HCN1: variants seen among roughly 807,000 people sequenced by gnomAD.
HCN1 encodes hyperpolarization activated cyclic nucleotide gated potassium channel 1.
A neutral mutation model predicts 78.9 loss-of-function variants in HCN1; 13 were observed. The observed-to-expected ratio is 0.16, with a 90% CI of 0.11 to 0.26. HCN1 has a LOEUF of 0.26. HCN1 is among the 10% of genes least tolerant of loss of function. The pLI, the probability that HCN1 is intolerant of heterozygous loss-of-function variation, is 1.00. For synonymous variants in HCN1, 552 were observed against 455.5 expected, an observed-to-expected ratio of 1.21 and a Z score of -2.70; for missense variants, 810 against 1,154.3, an observed-to-expected ratio of 0.70 and a Z score of 4.32.
chr5:45,435,279 T>C (rs1392181666), intron 3 of HCN1, among the ~76,000 whole-genome samples: 1 of 152,144 alleles, frequency 6.6e-6, no homozygotes, highest in Non-Finnish European at 1.5e-5. Context: ...GTTATCATGG[T>C]ATTTTATTCT....
intron 2 of HCN1, among the ~76,000 whole-genome samples, chr5:45,507,620 G>A (rs1434678109): frequency 6.6e-6 from 1 of 152,124 alleles, no homozygotes; most frequent in Non-Finnish European, 1.5e-5. Context: ...GAGAAACATT[G>A]AAGCCTGCAA....
chr5:45,444,185 G>A (rs1309436018), intron 3 of HCN1, among the ~76,000 whole-genome samples: 1 of 152,070 alleles, frequency 6.6e-6, no homozygotes, highest in East Asian at 1.9e-4. Context: ...ATATCTAAAT[G>A]CTCTGTCAAA....
chr5:45,398,837 T>C (rs1011002032), intron 3 of HCN1, among the ~76,000 whole-genome samples: 2 of 152,226 alleles, frequency 1.3e-5, no homozygotes, highest in Admixed American at 1.3e-4. Context: ...ATTTAATTTG[T>C]ATTTCTAAGT....
rs143880084 is a variant in HCN1 at position 45,567,349 on chromosome 5, G to A, written c.849+77836C>T. On this transcript the variant is annotated intron_variant, in intron 2 of 7. Coordinates refer to ENST00000303230, the MANE Select transcript of HCN1 (RefSeq NM_021072.4). ...TCCCTTTTCCATGTAAAGGAATGGG[G>A]TGACTGGTAGGAAACAAGCAACTTT... Among the ~76,000 whole-genome samples, 66 of 152,122 alleles carry A rather than the reference G, an allele frequency of 4.3e-4. 1 individual carries two copies. In the East Asian group the frequency reaches 7.8e-3, roughly 18 times the overall value.
intron 3 of HCN1, among the ~76,000 whole-genome samples, chr5:45,459,855 A>G (rs966650682): frequency 2.6e-5 from 4 of 152,240 alleles, no homozygotes; most frequent in African/African-American, 9.6e-5. Flanking sequence ...GCCAGATTAT[A>G]GAGCTGTTGC....
At chr5:45,649,741 G>A (rs1490791993) in intron 1 of HCN1, among the ~76,000 whole-genome samples, 2 of 151,954 alleles carry the variant, frequency 1.3e-5, no homozygotes, top group African/African-American at 2.4e-5. Context: ...CTATAAGATA[G>A]ATAGCATCTA....
Position 45,461,829 on chromosome 5 carries a change from T to C in HCN1, c.1011+17A>G, listed in dbSNP as rs745363257. 2 of 1,609,040 alleles carry C rather than the reference T, an allele frequency of 1.2e-6. No homozygotes were observed. Among genetic ancestry groups the C allele is most frequent in the Non-Finnish European group, 1.7e-6 (2 of 1,175,920 alleles). On this transcript the variant is annotated intron_variant, in intron 3 of 7. Transcript: ENST00000303230. ...AACGTTGAAAAGTCAGAGTGTAAAA[T>C]AACAGAATTTACTTACAACCATTTC...
chr5:45,301,813 A>C (rs1204596371), intron 6 of HCN1, among the ~76,000 whole-genome samples: 1 of 152,010 alleles, frequency 6.6e-6, no homozygotes, highest in Non-Finnish European at 1.5e-5. Flanking sequence ...TAATGCCCTA[A>C]GAAAAAATAG....
intron 5 of HCN1, among the ~76,000 whole-genome samples, chr5:45,304,064 A>G (rs868629377): frequency 1.3e-5 from 2 of 152,144 alleles, no homozygotes; most frequent in Admixed American, 6.6e-5. Context: ...GGAATGTATT[A>G]AATATTCGAT....
chr5:45,316,708 C>G (rs1292475808), intron 5 of HCN1, among the ~76,000 whole-genome samples: 1 of 152,206 alleles, frequency 6.6e-6, no homozygotes, highest in Non-Finnish European at 1.5e-5. Flanking sequence ...TAAGCAACTT[C>G]AGCAAAGTCT....
intron 2 of HCN1, among the ~76,000 whole-genome samples, chr5:45,499,729 C>T (rs1201585371): frequency 2.0e-5 from 3 of 152,178 alleles, no homozygotes; most frequent in Admixed American, 6.5e-5. Flanking sequence ...CTATACATGA[C>T]ACTGACATAT....
At chr5:45,373,308 T>C (rs1462428561) in intron 4 of HCN1, among the ~76,000 whole-genome samples, 6 of 118,028 alleles carry the variant, frequency 5.1e-5, no homozygotes, top group South Asian at 2.4e-4. Flanking sequence ...TTTTATATAC[T>C]ATATATAAAA....
At chr5:45,387,104 G>A (rs1402043676) in intron 4 of HCN1, among the ~76,000 whole-genome samples, 4 of 151,686 alleles carry the variant, frequency 2.6e-5, no homozygotes, top group African/African-American at 4.8e-5. Context: ...GGTATAGTCA[G>A]AAAAAAAGTT....
At chr5:45,479,988 A>G (rs1044917563) in intron 2 of HCN1, 1 of 152,722 alleles carries the variant, frequency 6.5e-6, no homozygotes, top group Non-Finnish European at 1.5e-5. Context: ...ACTTCTAATG[A>G]CTTACCATTT....
At chr5:45,313,089 C>T (rs1187582450) in intron 5 of HCN1, among the ~76,000 whole-genome samples, 1 of 152,144 alleles carries the variant, frequency 6.6e-6, no homozygotes, top group Non-Finnish European at 1.5e-5. Flanking sequence ...CCTTGACCCC[C>T]AAGTAGCCCA....
chr5:45,452,665 G>A (rs1462372307), intron 3 of HCN1, among the ~76,000 whole-genome samples: 2 of 151,606 alleles, frequency 1.3e-5, no homozygotes, highest in Non-Finnish European at 2.9e-5. Context: ...AAGAAAATGG[G>A]CCAATTAGTC....
intron 5 of HCN1, among the ~76,000 whole-genome samples, chr5:45,335,989 G>A (rs1746446009): frequency 6.6e-6 from 1 of 151,974 alleles, no homozygotes; most frequent in African/African-American, 2.4e-5. Flanking sequence ...TTATATAGCT[G>A]AAAAATTGCG....
intron 2 of HCN1, among the ~76,000 whole-genome samples, chr5:45,611,802 C>G (rs1007844151): frequency 6.6e-6 from 1 of 151,928 alleles, no homozygotes; most frequent in Admixed American, 6.6e-5. Context: ...AAACATGCAA[C>G]AACTTGGACA....
At chr5:45,502,594 A>G (rs1342355293) in intron 2 of HCN1, among the ~76,000 whole-genome samples, 1 of 152,096 alleles carries the variant, frequency 6.6e-6, no homozygotes, top group African/African-American at 2.4e-5. Flanking sequence ...TAGATAAATG[A>G]TAACTATAAT....
Sources: allele counts gnomAD v4.1 joint callset (sites outside exome capture counted in the v4.1 genomes callset), GRCh38; gene constraint gnomAD v4.1.1; transcripts MANE v1.5; gene names NCBI Gene and HGNC (gene_info 2026-07-23, HGNC 2026-07-21).